The following PCDH15 variants were observed in gnomAD, a reference collection of about 807,000 sequenced individuals.
PCDH15 encodes the protein protocadherin related 15, also known as protocadherin-15.
Under a neutral mutation model 178.5 loss-of-function variants are expected in PCDH15, and 129 were observed. The ratio of observed to expected loss-of-function variants is 0.72; its 90% CI spans 0.63 to 0.84. The LOEUF is 0.84. Ranked by LOEUF, PCDH15 falls within the 40% of genes least tolerant of loss-of-function variation. The pLI is 0.00. For missense variants in PCDH15, 2,230 were observed against 2,099.9 expected (o/e 1.06, Z -1.21); for synonymous variants, 800 against 732.0 (o/e 1.09, Z -1.50).
At chr10:54,249,094 T>C (rs898281169) in intron 8 of PCDH15, among the ~76,000 whole-genome samples, 2 of 152,104 alleles carry the variant, frequency 1.3e-5, no homozygotes, top group East Asian at 3.9e-4. Flanking sequence ...CCAATGATTA[T>C]CATTTTTAAT....
intron 15 of PCDH15, among the ~76,000 whole-genome samples, chr10:54,095,717 C>T (rs2094688243): frequency 6.6e-6 from 1 of 151,936 alleles, no homozygotes. Flanking sequence ...TTTGTCACAT[C>T]CAGAGAAGTG....
At chr10:54,376,393 T>C (rs1043817956) in intron 4 of PCDH15, among the ~76,000 whole-genome samples, 1 of 150,768 alleles carries the variant, frequency 6.6e-6, no homozygotes, top group African/African-American at 2.4e-5. Flanking sequence ...AAAAACATTT[T>C]ACATTAAATA....
intron 8 of PCDH15, among the ~76,000 whole-genome samples, chr10:54,268,063 A>T (rs2057806700): frequency 6.6e-6 from 1 of 151,978 alleles, no homozygotes; most frequent in African/African-American, 2.4e-5. Context: ...ATAGCATGGT[A>T]TGGGTACAAA....
At chr10:54,753,931 T>A (rs928286948) in intron 1 of PCDH15, among the ~76,000 whole-genome samples, 1 of 148,806 alleles carries the variant, frequency 6.7e-6, no homozygotes, top group Admixed American at 6.8e-5. Context: ...TCTCGCTCTG[T>A]TGCCCAGGCT....
intron 2 of PCDH15, among the ~76,000 whole-genome samples, chr10:55,078,573 A>AT (rs770304620): frequency 2.5e-4 from 37 of 151,014 alleles, no homozygotes; most frequent in Admixed American, 5.3e-4. Flanking sequence ...AAGTTCTGTG[A>AT]TTTTTTTTCT....
rs180703401 is a variant in PCDH15 at position 54,290,869 on chromosome 10, T to C, written c.876+26402A>G. ...TAACTATCCTAAATATATATGCACC[T>C]AATACAGGAACACCCAGATTCATAA... is the stretch of plus-strand genomic sequence containing the variant. On this transcript the variant is annotated intron_variant, in intron 8 of 37. Transcript: ENST00000644397. 2.5e-3 allele frequency among the ~76,000 whole-genome samples: 382 copies of C among 152,212 alleles called. 1 individual carries two copies. The highest frequency in any genetic ancestry group is 6.8e-3 in the African/African-American group (284 of 41,536).
chr10:54,221,036 AC>A (rs1406504288), intron 9 of PCDH15, among the ~76,000 whole-genome samples: 2 of 152,008 alleles, frequency 1.3e-5, no homozygotes, highest in Admixed American at 6.6e-5. Flanking sequence ...TTCTTTAGAA[AC>A]AAAAAATTAG....
chr10:54,760,788 C>T (rs1240593532), intron 1 of PCDH15, among the ~76,000 whole-genome samples: 1 of 152,124 alleles, frequency 6.6e-6, no homozygotes, highest in Non-Finnish European at 1.5e-5. Context: ...TATATTATCT[C>T]TTTGTTAACA....
chr10:54,223,550 T>C (rs370774584), intron 9 of PCDH15, among the ~76,000 whole-genome samples: 4 of 146,634 alleles, frequency 2.7e-5, no homozygotes, highest in East Asian at 1.9e-4. Context: ...GTCTTTTGCT[T>C]CATATTATTT....
At chr10:53,878,572 T>C (rs2080457815) in intron 26 of PCDH15, among the ~76,000 whole-genome samples, 1 of 149,094 alleles carries the variant, frequency 6.7e-6, no homozygotes, top group South Asian at 2.1e-4. Flanking sequence ...AAACCTCAGC[T>C]TAAATGACCC....
intron 2 of PCDH15, among the ~76,000 whole-genome samples, chr10:55,393,206 A>T (rs1043495753): frequency 1.3e-5 from 2 of 152,100 alleles, no homozygotes; most frequent in African/African-American, 4.8e-5. Flanking sequence ...AATCAAAATT[A>T]TGAGAAAGAT....
At chr10:54,331,018 G>T (rs940614458) in intron 6 of PCDH15, among the ~76,000 whole-genome samples, 3 of 151,668 alleles carry the variant, frequency 2.0e-5, no homozygotes, top group Non-Finnish European at 2.9e-5. Flanking sequence ...GGAAGGAGAA[G>T]AGAAAGGGAA....
At chr10:55,560,171 G>T (rs948318120) in intron 2 of PCDH15, among the ~76,000 whole-genome samples, 2 of 151,716 alleles carry the variant, frequency 1.3e-5, no homozygotes, top group African/African-American at 4.8e-5. Context: ...AATAATTTAG[G>T]TCCAGGAAAA....
intron 2 of PCDH15, among the ~76,000 whole-genome samples, chr10:55,451,297 G>A (rs956926278): frequency 1.2e-4 from 19 of 152,094 alleles, no homozygotes; most frequent in South Asian, 1.0e-3. Context: ...AGGAGATCGA[G>A]GCCATCCTGG....
rs140509443 is a variant in PCDH15, at chr10:54,351,758, A to C, written c.475-5274T>G. 7.2e-5 allele frequency among the ~76,000 whole-genome samples: 11 copies of C among 152,210 alleles called. No homozygotes were observed. In the East Asian group the frequency reaches 2.1e-3, roughly 29 times the overall value. ...AGCTCACTGTCAAAAAACCCTGCCCACCTTTTTTTGCTTCCATGAAGAAAA... is the reference window on the plus strand; with the variant it reads ...AGCTCACTGTCAAAAAACCCTGCCCCCCTTTTTTTGCTTCCATGAAGAAAA... On this transcript the variant is annotated intron_variant, in intron 5 of 37. Coordinates refer to ENST00000644397, the MANE Select transcript of PCDH15 (RefSeq NM_001384140.1).
At position 54,685,386 on chromosome 10, in the gene PCDH15, G is replaced by A. The variant is rs563585828; in HGVS notation, c.-28-21096C>T. 4.6e-5 allele frequency among the ~76,000 whole-genome samples: 7 copies of A among 152,246 alleles called. No homozygotes were observed. In the East Asian group the frequency reaches 1.2e-3, roughly 25 times the overall value. ...CGTTTTCAAGTACTATATACTAAGT[G>A]TATGTGCTATTATTTTTATCACTGG... On this transcript the variant is annotated intron_variant, in intron 1 of 37. Transcript: ENST00000644397.
intron 8 of PCDH15, among the ~76,000 whole-genome samples, chr10:54,299,269 G>GACAA: frequency 5.9e-5 from 9 of 151,978 alleles, no homozygotes; most frequent in Non-Finnish European, 5.9e-5. Flanking sequence ...AAGAGACAGA[G>GACAA]AGACAGAGAG....
intron 29 of PCDH15, among the ~76,000 whole-genome samples, chr10:53,834,929 C>T (rs1194018481): frequency 6.6e-6 from 1 of 152,148 alleles, no homozygotes; most frequent in Non-Finnish European, 1.5e-5. Context: ...AGAGGGACAA[C>T]TGTCTATTTC....
rs561404490 is a variant in PCDH15, at chr10:54,539,932, T to TA, written c.92-12056dup. On this transcript the variant is annotated intron_variant, in intron 2 of 37. Coordinates refer to ENST00000644397, the MANE Select transcript of PCDH15 (RefSeq NM_001384140.1). ...GTTTTGGATTGTAAGGCAGAAATTT[T>TA]AAAAAATTCTTTTAAATAAATGAAG... Among the ~76,000 whole-genome samples, 917 of 152,248 alleles carry TA rather than the reference T, an allele frequency of 6.0e-3. 6 individuals are homozygous for TA. The highest frequency in any genetic ancestry group is 0.01 in the Middle Eastern group (3 of 294).
Sources: allele counts gnomAD v4.1 joint callset (sites outside exome capture counted in the v4.1 genomes callset), GRCh38; gene constraint gnomAD v4.1.1; transcripts MANE v1.5; gene names NCBI Gene and HGNC (gene_info 2026-07-23, HGNC 2026-07-21).